Variants in EYA4 observed in about 807,000 individuals in gnomAD.
EYA4 encodes EYA transcriptional coactivator and phosphatase 4.
A neutral mutation model predicts 87.9 loss-of-function variants in EYA4; 31 were observed. The observed-to-expected ratio is 0.35, with a 90% CI of 0.27 to 0.48. The LOEUF is 0.48. Among genes scored for constraint, EYA4 ranks in the 20% least tolerant of loss-of-function variants. The pLI is 0.99. For synonymous variants in EYA4, 263 were observed against 270.6 expected (o/e 0.97, Z 0.28); for missense variants, 678 against 761.4 (o/e 0.89, Z 1.29).
chr6:133,437,594 A>G (rs1161140041), intron 3 of EYA4, among the ~76,000 whole-genome samples: 1 of 152,214 alleles, frequency 6.6e-6, no homozygotes, highest in Non-Finnish European at 1.5e-5. Flanking sequence ...TACTGCTGTA[A>G]AGAACTGCCC....
chr6:133,481,086 T>C (rs1796179627), intron 11 of EYA4, among the ~76,000 whole-genome samples: 1 of 151,546 alleles, frequency 6.6e-6, no homozygotes, highest in Non-Finnish European at 1.5e-5. Context: ...GAGGTGGGGC[T>C]GGGAGTCAGG....
At chr6:133,359,619 T>A (rs1784315935) in intron 2 of EYA4, among the ~76,000 whole-genome samples, 2 of 152,202 alleles carry the variant, frequency 1.3e-5, no homozygotes. Context: ...TGTTGTAATA[T>A]TTGTTGTCTC....
intron 1 of EYA4, chr6:133,248,887 GT>G (rs1774652631): frequency 6.7e-6 from 1 of 148,990 alleles, no homozygotes; most frequent in African/African-American, 2.5e-5. Flanking sequence ...TTTTTTGTTT[GT>G]TTGTTTTTGC....
At chr6:133,283,634 G>A (rs1220260475) in intron 2 of EYA4, among the ~76,000 whole-genome samples, 2 of 152,084 alleles carry the variant, frequency 1.3e-5, no homozygotes, top group Admixed American at 6.5e-5. Flanking sequence ...CTATGCTGAT[G>A]GAATATGAAC....
chr6:133,340,350 T>G (rs561556007), intron 2 of EYA4, among the ~76,000 whole-genome samples: 2 of 152,282 alleles, frequency 1.3e-5, no homozygotes, highest in East Asian at 3.9e-4. Context: ...TCTGCTGCCT[T>G]TGCCTCTTTT....
intron 6 of EYA4, 29 bp downstream of exon 6, chr6:133,456,677 G>A (rs376044898): frequency 1.9e-5 from 26 of 1,367,214 alleles, no homozygotes; most frequent in South Asian, 3.5e-5. Context: ...GTGTCCTTAC[G>A]TACACATGGG....
intron 2 of EYA4, among the ~76,000 whole-genome samples, chr6:133,373,812 A>G (rs779467072): frequency 3.3e-5 from 5 of 152,074 alleles, no homozygotes; most frequent in African/African-American, 4.8e-5. Context: ...GCGCTTATGT[A>G]TAGTATTTAT....
chr6:133,322,461 G>A (rs745493596), intron 2 of EYA4, among the ~76,000 whole-genome samples: 29 of 152,092 alleles, frequency 1.9e-4, no homozygotes, highest in Non-Finnish European at 3.7e-4. Flanking sequence ...AAATATAAAG[G>A]CCAAGAGTCT....
chr6:133,439,169 A>T (rs556180088), intron 3 of EYA4, among the ~76,000 whole-genome samples: 1 of 151,870 alleles, frequency 6.6e-6, no homozygotes, highest in Non-Finnish European at 1.5e-5. Context: ...TGTGCTACAG[A>T]TACTACTTGG....
At chr6:133,291,988 C>T (rs1778527613) in intron 2 of EYA4, among the ~76,000 whole-genome samples, 1 of 151,776 alleles carries the variant, frequency 6.6e-6, no homozygotes, top group Non-Finnish European at 1.5e-5. Context: ...TTTTGAAAGT[C>T]CTTCAAAATT....
chr6:133,278,783 A>G (rs1419306854), intron 2 of EYA4, among the ~76,000 whole-genome samples: 2 of 152,190 alleles, frequency 1.3e-5, no homozygotes, highest in East Asian at 3.8e-4. Flanking sequence ...ATAAGCAACT[A>G]AAAAGAATAT....
intron 2 of EYA4, among the ~76,000 whole-genome samples, chr6:133,318,900 C>T (rs559209654): frequency 1.3e-5 from 2 of 152,262 alleles, no homozygotes; most frequent in South Asian, 2.1e-4. Flanking sequence ...TATATTAATG[C>T]GATGATCTGA....
At chr6:133,346,772 G>C (rs1449404678) in intron 2 of EYA4, among the ~76,000 whole-genome samples, 1 of 152,126 alleles carries the variant, frequency 6.6e-6, no homozygotes, top group Non-Finnish European at 1.5e-5. Context: ...AGGATTTCAT[G>C]TCCTGTTGCC....
intron 17 of EYA4, among the ~76,000 whole-genome samples, chr6:133,518,649 T>G (rs984187780): frequency 3.0e-4 from 46 of 152,180 alleles, no homozygotes; most frequent in African/African-American, 1.1e-3. Context: ...TTGTAATATT[T>G]AGAAATCAAA....
Position 133,274,750 on chromosome 6 carries a change from T to C in EYA4, c.-31T>C. On this transcript the variant is annotated 5_prime_UTR_variant, in exon 2 of 20. Coordinates refer to ENST00000355286, the MANE Select transcript of EYA4 (RefSeq NM_004100.5). ...TTTACTTGAAGGAAGCTGCTTCTAC[T>C]TGGGAGTGGCAGGAGAAGTGAGAAA... 1 of 1,606,244 alleles carries C rather than the reference T, an allele frequency of 6.2e-7. No individual in the cohort carries two copies. The highest frequency in any genetic ancestry group is 8.5e-7 in the Non-Finnish European group (1 of 1,172,988).
intron 13 of EYA4, among the ~76,000 whole-genome samples, chr6:133,492,353 A>C (rs1401511779): frequency 1.3e-5 from 2 of 152,258 alleles, no homozygotes; most frequent in African/African-American, 2.4e-5. Context: ...AATGAAACAC[A>C]TAAAGATTAT....
At chr6:133,398,909 G>A (rs958932446) in intron 3 of EYA4, among the ~76,000 whole-genome samples, 3 of 152,196 alleles carry the variant, frequency 2.0e-5, no homozygotes, top group African/African-American at 7.2e-5. Flanking sequence ...AGTGCATGTT[G>A]CAGGAGGGTT....
intron 2 of EYA4, among the ~76,000 whole-genome samples, chr6:133,306,199 A>G (rs1468492349): frequency 3.9e-5 from 6 of 152,200 alleles, no homozygotes; most frequent in African/African-American, 1.4e-4. Context: ...AAGAGAGGCT[A>G]AATGACCAAA....
chr6:133,421,461 A>G (rs1467644892), intron 3 of EYA4, among the ~76,000 whole-genome samples: 2 of 152,228 alleles, frequency 1.3e-5, no homozygotes, highest in Non-Finnish European at 2.9e-5. Flanking sequence ...AATCTATTCC[A>G]TATGCCTAAA....
Sources: gnomAD v4.1 joint callset for allele counts (sites outside exome capture counted in the v4.1 genomes callset) on GRCh38, gnomAD v4.1.1 for gene constraint, MANE v1.5 for transcripts, NCBI Gene and HGNC (gene_info 2026-07-23, HGNC 2026-07-21) for gene names.